BRF1: variants seen among roughly 807,000 people sequenced by gnomAD.
BRF1 encodes BRF1 general transcription factor IIIB subunit.
In BRF1, 59 loss-of-function variants were observed where a neutral mutation model predicts 81.7. That is an observed-to-expected ratio of 0.72 (90% confidence interval 0.59 to 0.90). The LOEUF (loss-of-function observed/expected upper bound fraction) is 0.90, where lower values mean the gene tolerates loss of function less well. Ranked by LOEUF, BRF1 falls within the 40% of genes least tolerant of loss-of-function variation. BRF1 has a pLI of 0.00. For synonymous variants in BRF1, 491 were observed against 395.6 expected, an observed-to-expected ratio of 1.24 and a Z score of -2.86; for missense variants, 1,050 against 936.3, an observed-to-expected ratio of 1.12 and a Z score of -1.58.
At chr14:105,249,683 C>T (rs751327381) in intron 5 of BRF1, 6 of 1,613,402 alleles carry the variant, frequency 3.7e-6, no homozygotes, top group African/African-American at 1.3e-5. Flanking sequence ...CGACACGGTG[C>T]TGGCCACTCT....
chr14:105,290,031 A>G lies in BRF1; in HGVS notation c.185-3655T>C, dbSNP rs183077293. On this transcript the variant is annotated intron_variant, in intron 1 of 17. Transcript: ENST00000547530. ...GCTCCCTCACCAACTTTCACTTTAG[A>G]AAAAGAAAAATCTCACTATATTCTA... 4.1e-4 allele frequency among the ~76,000 whole-genome samples: 63 copies of G among 152,368 alleles called. 1 individual carries two copies. In the East Asian group the frequency reaches 0.011, roughly 28 times the overall value.
chr14:105,286,161 G>A, intron 2 of BRF1, 135 bp downstream of exon 2: 3 of 1,005,988 alleles, frequency 3.0e-6, no homozygotes, highest in Non-Finnish European at 4.4e-6. Context: ...AAAGCAGCCT[G>A]GGCTGGGCGT....
intron 16 of BRF1, 78 bp downstream of exon 16, chr14:105,212,035 C>T: frequency 6.4e-7 from 1 of 1,567,070 alleles, no homozygotes; most frequent in Non-Finnish European, 8.7e-7. Flanking sequence ...CCTGTGGTCA[C>T]AGACCAAGCA....
At chr14:105,305,909 G>A (rs587625796), upstream of BRF1, among the ~76,000 whole-genome samples, 15 of 152,356 alleles carry the variant, frequency 9.8e-5, no homozygotes, top group African/African-American at 2.9e-4. Context: ...CACTCGCACC[G>A]CGCCAAAGAG....
intron 1 of BRF1, among the ~76,000 whole-genome samples, chr14:105,310,753 C>T (rs975024711): frequency 5.3e-5 from 8 of 152,068 alleles, no homozygotes; most frequent in Non-Finnish European, 1.2e-4. Context: ...AATACATGTT[C>T]ATCATGGAGA....
At chr14:105,221,009 G>A (rs956641500) in intron 11 of BRF1, among the ~76,000 whole-genome samples, 4 of 152,190 alleles carry the variant, frequency 2.6e-5, no homozygotes, top group Non-Finnish European at 5.9e-5. Context: ...TCTCTACCCC[G>A]GCCCAGATAT....
At position 105,219,019 on chromosome 14, in the gene BRF1, G is replaced by A. The variant is rs777588502; in HGVS notation, c.1494C>T (p.Leu498=). ...CCACCTTGTGTTCCTTGTAGATGCC[G>A]AGCTCCTTCTCTTTCGCTATTCTTG... The part of the protein sequence containing the change: ...KEARIAKEKE[L]GIYKEHKPKK... Residue 498 remains leucine, a synonymous_variant, in exon 14 of 18, where the codon CTC becomes CTT. Transcript: ENST00000547530. The A allele has an allele frequency of 5.6e-6, 9 of 1,613,876 alleles. No homozygotes were observed. Among genetic ancestry groups the A allele is most frequent in the South Asian group, 5.5e-5 (5 of 91,082 alleles).
intron 15 of BRF1, among the ~76,000 whole-genome samples, chr14:105,213,965 GCTCCCACCTGGCATCAC>G (rs1890596454): frequency 1.3e-5 from 2 of 152,226 alleles, no homozygotes; most frequent in Admixed American, 6.5e-5. Context: ...TGGAGAACAA[GCTCCCACCTGGCATCAC>G]CTCGGCCATG....
intron 5 of BRF1, among the ~76,000 whole-genome samples, chr14:105,244,131 A>C (rs986816705): frequency 9.3e-5 from 14 of 151,230 alleles, no homozygotes; most frequent in Non-Finnish European, 1.5e-5. Flanking sequence ...AAACACAGCA[A>C]GACCCCATCT....
intron 1 of BRF1, among the ~76,000 whole-genome samples, chr14:105,289,514 T>C (rs587739103): frequency 1.3e-5 from 2 of 152,330 alleles, no homozygotes; most frequent in South Asian, 4.1e-4. Context: ...TAAGGGGGCT[T>C]TGAGCAGCAC....
chr14:105,228,668 CAT>C, intron 7 of BRF1, 150 bp downstream of exon 7: 1 of 816,706 alleles, frequency 1.2e-6, no homozygotes, highest in South Asian at 1.6e-5. Flanking sequence ...ACGTCCAAGC[CAT>C]AGTGTGACCG....
At chr14:105,220,158 C>T (rs1327646068) in intron 11 of BRF1, 28 bp from the exon 12 acceptor site, 1 of 1,612,780 alleles carries the variant, frequency 6.2e-7, no homozygotes, top group Non-Finnish European at 8.5e-7. Flanking sequence ...ATCCGCGTCA[C>T]TCAGGGCCAG....
At chr14:105,255,178 C>T (rs2055808834) in intron 4 of BRF1, among the ~76,000 whole-genome samples, 1 of 152,272 alleles carries the variant, frequency 6.6e-6, no homozygotes, top group Non-Finnish European at 1.5e-5. Flanking sequence ...TCCGGAGCAG[C>T]TGCCCTGGCC....
At chr14:105,241,143 G>T (rs1225667800) in intron 6 of BRF1, 122 bp downstream of exon 6, 2 of 1,471,788 alleles carry the variant, frequency 1.4e-6, no homozygotes, top group Admixed American at 4.0e-5. Context: ...AGCCCCGGGA[G>T]GCTGGAGGCA....
At chr14:105,266,905 G>A (rs1378723094) in intron 3 of BRF1, among the ~76,000 whole-genome samples, 1 of 152,084 alleles carries the variant, frequency 6.6e-6, no homozygotes, top group Non-Finnish European at 1.5e-5. Flanking sequence ...TTAGCCAGGG[G>A]TGGTGGTGTA....
At chr14:105,282,037 T>G (rs953486827) in intron 2 of BRF1, among the ~76,000 whole-genome samples, 1 of 152,140 alleles carries the variant, frequency 6.6e-6, no homozygotes, top group African/African-American at 2.4e-5. Context: ...GAACCGTCGC[T>G]TCAGAACATC....
intron 6 of BRF1, among the ~76,000 whole-genome samples, chr14:105,229,523 T>A (rs902581518): frequency 1.2e-4 from 18 of 152,012 alleles, no homozygotes; most frequent in Admixed American, 1.1e-3. Context: ...GGAGCTGGGG[T>A]AGTTGACCAG....
intron 3 of BRF1, among the ~76,000 whole-genome samples, chr14:105,264,590 C>T (rs2056312220): frequency 1.3e-5 from 2 of 149,738 alleles, no homozygotes; most frequent in African/African-American, 4.9e-5. Context: ...TGGCATGAAC[C>T]CGGGAGGCAG....
intron 3 of BRF1, among the ~76,000 whole-genome samples, chr14:105,270,023 C>A (rs1250337607): frequency 1.3e-5 from 2 of 152,176 alleles, no homozygotes; most frequent in African/African-American, 2.4e-5. Context: ...AAGCAGACAG[C>A]AGGCGGGGCG....
Sources: gnomAD v4.1 joint callset for allele counts (sites outside exome capture counted in the v4.1 genomes callset) on GRCh38, gnomAD v4.1.1 for gene constraint, MANE v1.5 for transcripts, NCBI Gene and HGNC (gene_info 2026-07-23, HGNC 2026-07-21) for gene names.